Variants in FNDC3B observed in about 807,000 individuals in gnomAD.
FNDC3B encodes the protein fibronectin type III domain containing 3B.
Under a neutral mutation model 151.5 loss-of-function variants are expected in FNDC3B, and 12 were observed. The ratio of observed to expected loss-of-function variants is 0.08; its 90% CI spans 0.05 to 0.13. The LOEUF is 0.13. FNDC3B is among the 10% of genes least tolerant of loss of function. The probability of loss-of-function intolerance (pLI) is 1.00; values close to 1 mark genes in which losing one functional copy is unlikely to be tolerated. For missense variants in FNDC3B, 1,214 were observed against 1,505.3 expected, an observed-to-expected ratio of 0.81 and a Z score of 3.20; for synonymous variants, 528 against 549.0, an observed-to-expected ratio of 0.96 and a Z score of 0.54.
intron 20 of FNDC3B, 54 bp from the exon 21 acceptor site, chr3:172,347,158 G>A (rs1238927843): frequency 1.3e-6 from 2 of 1,520,696 alleles, no homozygotes; most frequent in Non-Finnish European, 1.8e-6. Flanking sequence ...TACAAGCACA[G>A]TAGGATTCTC....
At chr3:172,306,985 C>T in intron 9 of FNDC3B, 1 of 169,072 alleles carries the variant, frequency 5.9e-6, no homozygotes, top group Non-Finnish European at 1.3e-5. Flanking sequence ...CCTTTTTATC[C>T]AGCTCTTAAC....
At chr3:172,064,219 G>C (rs1446656701) in intron 1 of FNDC3B, among the ~76,000 whole-genome samples, 2 of 152,112 alleles carry the variant, frequency 1.3e-5, no homozygotes, top group Non-Finnish European at 2.9e-5. Context: ...CAGCAAGAAG[G>C]CACCATCTGT....
At chr3:172,171,791 GA>G (rs5854462) in intron 3 of FNDC3B, among the ~76,000 whole-genome samples, 25,919 of 142,404 alleles carry the variant, frequency 0.18, 2,428 homozygotes, top group Non-Finnish European at 0.22. Flanking sequence ...ACTTTGAAAT[GA>G]AAAAAAAAAA....
At chr3:172,074,937 T>C (rs1032086156) in intron 1 of FNDC3B, among the ~76,000 whole-genome samples, 11 of 152,236 alleles carry the variant, frequency 7.2e-5, no homozygotes, top group African/African-American at 2.7e-4. Context: ...TGTGATTGTA[T>C]GTGTTTAGAA....
rs146705720 is a variant in FNDC3B, at chr3:172,363,696, G to A, written c.3008+851G>A. On this transcript the variant is annotated intron_variant, in intron 23 of 25. Coordinates refer to ENST00000415807, the MANE Select transcript of FNDC3B (RefSeq NM_022763.4). ...GCATGATACTATTCTGTTCCTTCAC[G>A]TATGGAACCCATTCTAGTTACACGG... Among the ~76,000 whole-genome samples the A allele has an allele frequency of 3.3e-3, 509 of 152,248 alleles. 3 individuals are homozygous for A. Among genetic ancestry groups the A allele is most frequent in the Non-Finnish European group, 3.9e-3 (266 of 68,028 alleles).
chr3:172,259,127 C>A (rs901652729), intron 6 of FNDC3B, among the ~76,000 whole-genome samples: 2 of 152,162 alleles, frequency 1.3e-5, no homozygotes, highest in Admixed American at 6.5e-5. Flanking sequence ...CTGAGTATTG[C>A]AAAAATATCA....
At chr3:172,062,539 C>T (rs1274617813) in intron 1 of FNDC3B, among the ~76,000 whole-genome samples, 1 of 152,112 alleles carries the variant, frequency 6.6e-6, no homozygotes, top group East Asian at 1.9e-4. Context: ...CTGTCTTGAC[C>T]TCCCAAAGTG....
intron 25 of FNDC3B, among the ~76,000 whole-genome samples, chr3:172,384,247 C>T (rs992462161): frequency 1.3e-5 from 2 of 152,164 alleles, no homozygotes; most frequent in Admixed American, 6.5e-5. Flanking sequence ...CTACCAGTGT[C>T]GATTAACATC....
intron 3 of FNDC3B, among the ~76,000 whole-genome samples, chr3:172,194,380 GGA>G (rs1385632512): frequency 6.6e-6 from 1 of 150,654 alleles, no homozygotes; most frequent in Non-Finnish European, 1.5e-5. Context: ...TGTCGTTGAT[GGA>G]TGACCTTACC....
chr3:172,055,055 TTC>T (rs1716847072), intron 1 of FNDC3B, among the ~76,000 whole-genome samples: 1 of 152,188 alleles, frequency 6.6e-6, no homozygotes, highest in Non-Finnish European at 1.5e-5. Flanking sequence ...ACCTCACACT[TTC>T]ACCACCATCA....
chr3:172,292,573 C>T (rs1459662801), intron 7 of FNDC3B, among the ~76,000 whole-genome samples: 1 of 152,192 alleles, frequency 6.6e-6, no homozygotes, highest in African/African-American at 2.4e-5. Context: ...AGAACGTTGG[C>T]ATTTGACTGA....
chr3:172,218,887 G>GTAAAC (rs2108727909), intron 3 of FNDC3B, among the ~76,000 whole-genome samples: 1 of 152,344 alleles, frequency 6.6e-6, no homozygotes, highest in African/African-American at 2.4e-5. Context: ...GCCAGAGGAA[G>GTAAAC]TGCCATCAGT....
At chr3:172,367,079 A>T (rs550074582) in intron 23 of FNDC3B, among the ~76,000 whole-genome samples, 1 of 152,304 alleles carries the variant, frequency 6.6e-6, no homozygotes, top group African/African-American at 2.4e-5. Context: ...TGGACTTGCT[A>T]TGTTGAAAGG....
intron 4 of FNDC3B, among the ~76,000 whole-genome samples, chr3:172,228,170 C>T (rs1726689993): frequency 6.6e-6 from 1 of 152,116 alleles, no homozygotes; most frequent in Non-Finnish European, 1.5e-5. Flanking sequence ...ACTTACTTTA[C>T]ACAAGTCTTT....
At chr3:172,120,438 G>C (rs531810313) in intron 2 of FNDC3B, among the ~76,000 whole-genome samples, 3 of 152,086 alleles carry the variant, frequency 2.0e-5, no homozygotes, top group Non-Finnish European at 4.4e-5. Flanking sequence ...TCTTGTTCAT[G>C]CTGTGCCTGG....
At chr3:172,353,227 C>A in intron 22 of FNDC3B, 144 bp downstream of exon 22, 1 of 815,698 alleles carries the variant, frequency 1.2e-6, no homozygotes, top group Non-Finnish European at 1.9e-6. Context: ...TCACCTTGAT[C>A]CCTCAGGCCA....
At position 172,397,655 on chromosome 3, in the gene FNDC3B, G is replaced by A; in HGVS notation, c.*180G>A. The A allele has an allele frequency of 2.7e-6, 1 of 368,296 alleles. No homozygotes were observed. The highest frequency in any genetic ancestry group is 4.7e-6 in the Non-Finnish European group (1 of 213,606). 22.8% of individuals were successfully genotyped at this position (368,296 alleles called of 1,614,324 possible). On this transcript the variant is annotated 3_prime_UTR_variant, in exon 26 of 26. Coordinates refer to ENST00000415807, the MANE Select transcript of FNDC3B (RefSeq NM_022763.4). ...TTTTGAAATGCAAAACTAGGAAAAG[G>A]TTAAACTGGATTTTTTTTTTTAAAA...
At chr3:172,269,926 C>T (rs1008273295) in intron 6 of FNDC3B, among the ~76,000 whole-genome samples, 2 of 152,190 alleles carry the variant, frequency 1.3e-5, no homozygotes, top group African/African-American at 4.8e-5. Flanking sequence ...GGATTACAGG[C>T]GTGAGCCACC....
At chr3:172,299,817 T>C (rs1315933662) in intron 9 of FNDC3B, among the ~76,000 whole-genome samples, 1 of 152,116 alleles carries the variant, frequency 6.6e-6, no homozygotes, top group Admixed American at 6.5e-5. Flanking sequence ...AGTGTGAGTC[T>C]GGTTCTGCCC....
Sources: allele counts gnomAD v4.1 joint callset (sites outside exome capture counted in the v4.1 genomes callset), GRCh38; gene constraint gnomAD v4.1.1; transcripts MANE v1.5; gene names NCBI Gene and HGNC (gene_info 2026-07-23, HGNC 2026-07-21).